Variants in NELL1 observed in about 807,000 individuals in gnomAD.
NELL1 encodes neural EGFL like 1.
In NELL1, 76 loss-of-function variants were observed where a neutral mutation model predicts 107.4. That is an observed-to-expected ratio of 0.71 (90% confidence interval 0.59 to 0.86). NELL1 has a LOEUF of 0.86. Ranked by LOEUF, NELL1 falls within the 40% of genes least tolerant of loss-of-function variation. NELL1 has a pLI of 0.00. For missense variants in NELL1, 1,024 were observed against 1,005.5 expected (o/e 1.02, Z -0.25); for synonymous variants, 353 against 341.2 (o/e 1.03, Z -0.38).
intron 15 of NELL1, among the ~76,000 whole-genome samples, chr11:21,460,803 A>AT (rs1853881747): frequency 6.6e-6 from 1 of 152,066 alleles, no homozygotes; most frequent in African/African-American, 2.4e-5. Context: ...ATTAGCTTGC[A>AT]TGTCAGTGAG....
intron 15 of NELL1, among the ~76,000 whole-genome samples, chr11:21,413,807 G>A (rs896694203): frequency 6.6e-6 from 1 of 152,056 alleles, no homozygotes; most frequent in East Asian, 1.9e-4. Flanking sequence ...TTCACCCCAT[G>A]ACCTGTCACA....
At chr11:20,699,507 C>T (rs906569333) in intron 2 of NELL1, among the ~76,000 whole-genome samples, 3 of 152,122 alleles carry the variant, frequency 2.0e-5, no homozygotes, top group African/African-American at 4.8e-5. Context: ...ACTACAGGTG[C>T]ACGCCACCAT....
At position 21,261,896 on chromosome 11, in the gene NELL1, CA is replaced by C. The variant is rs572674839; in HGVS notation, c.1549+32443del. 3.8e-3 allele frequency among the ~76,000 whole-genome samples: 570 copies of C among 151,952 alleles called. 1 individual carries two copies. The highest frequency in any genetic ancestry group is 6.0e-3 in the Non-Finnish European group (409 of 67,864). On this transcript the variant is annotated intron_variant, in intron 14 of 19. Transcript: ENST00000357134. ...AACAGATTCAATTGGTGTTTTCGTT[CA>C]GATCTTTAAATAGCACATTTCTTTG...
At chr11:21,134,820 C>G (rs1442382196) in intron 13 of NELL1, among the ~76,000 whole-genome samples, 1 of 152,160 alleles carries the variant, frequency 6.6e-6, no homozygotes, top group Non-Finnish European at 1.5e-5. Context: ...GGAGGTATGA[C>G]TGAATAGCAT....
At chr11:20,991,917 G>A (rs1851982059) in intron 12 of NELL1, among the ~76,000 whole-genome samples, 1 of 148,868 alleles carries the variant, frequency 6.7e-6, no homozygotes, top group African/African-American at 2.5e-5. Flanking sequence ...ACATTCCCAA[G>A]GTGACAGGTA....
At chr11:21,100,551 A>G (rs1315038741) in intron 12 of NELL1, among the ~76,000 whole-genome samples, 1 of 152,232 alleles carries the variant, frequency 6.6e-6, no homozygotes, top group Non-Finnish European at 1.5e-5. Context: ...CGGTTTCTCA[A>G]AAGCCTAAAC....
At chr11:21,243,227 G>A (rs1038708706) in intron 14 of NELL1, among the ~76,000 whole-genome samples, 1 of 152,056 alleles carries the variant, frequency 6.6e-6, no homozygotes, top group South Asian at 2.1e-4. Context: ...AATAATGAAC[G>A]AATCTAAGGT....
In NELL1 at chr11:21,285,542, G is replaced by T. The variant is rs536491946; in HGVS notation, c.1549+56088G>T. 3.4e-4 allele frequency among the ~76,000 whole-genome samples: 51 copies of T among 152,142 alleles called. No homozygotes were observed. The South Asian group carries it at 0.011, about 32-fold the overall frequency. ...CTATGGTCTTATTTATGACCTTTAC[G>T]TTAGGAATTTTCTCCAGTGTTCTGT... On this transcript the variant is annotated intron_variant, in intron 14 of 19. Transcript: ENST00000357134.
At chr11:21,127,581 AGAGGAAGAG>A (rs1371430440) in intron 13 of NELL1, among the ~76,000 whole-genome samples, 1 of 151,846 alleles carries the variant, frequency 6.6e-6, no homozygotes, top group Non-Finnish European at 1.5e-5. Flanking sequence ...GAGAAGAAGA[AGAGGAAGAG>A]GAGGAAGAGG....
At position 20,669,715 on chromosome 11, in the gene NELL1, T is replaced by G; in HGVS notation, c.-9T>G. 4 of 1,613,232 alleles carry G rather than the reference T, an allele frequency of 2.5e-6. No individual in the cohort carries two copies. The highest frequency in any genetic ancestry group is 3.4e-6 in the Non-Finnish European group (4 of 1,179,434). On this transcript the variant is annotated 5_prime_UTR_variant, in exon 1 of 20. Transcript: ENST00000357134. The surrounding 1 kb of genome is among the most constrained non-coding windows in gnomAD (Gnocchi z 4.4). The stretch of plus-strand genomic sequence containing the variant: ...GGTGCCCCCTGCTAGGCGGGGACCC[T>G]CGAGAGCGATGCCGATGGATTTGAT...
intron 3 of NELL1, among the ~76,000 whole-genome samples, chr11:20,811,367 G>A (rs1021889336): frequency 3.3e-5 from 5 of 152,124 alleles, no homozygotes; most frequent in African/African-American, 7.2e-5. Flanking sequence ...ATGTTTTGAA[G>A]TGAGGTAGTG....
intron 4 of NELL1, among the ~76,000 whole-genome samples, chr11:20,852,428 G>A (rs1031571981): frequency 4.1e-4 from 62 of 152,268 alleles, no homozygotes; most frequent in African/African-American, 1.4e-3. Flanking sequence ...AAATTTCAGA[G>A]TAATTTCAGG....
intron 16 of NELL1, among the ~76,000 whole-genome samples, chr11:21,557,285 A>G (rs1856738545): frequency 6.6e-6 from 1 of 152,030 alleles, no homozygotes; most frequent in Non-Finnish European, 1.5e-5. Context: ...GGAGAAGTGA[A>G]AGCAAATCCT....
At chr11:21,086,818 C>A (rs1854402004) in intron 12 of NELL1, among the ~76,000 whole-genome samples, 2 of 144,242 alleles carry the variant, frequency 1.4e-5, no homozygotes, top group African/African-American at 2.5e-5. Context: ...ACTGTTGAGT[C>A]TTAATGGATC....
At chr11:21,234,856 T>C (rs1273229375) in intron 14 of NELL1, among the ~76,000 whole-genome samples, 1 of 152,104 alleles carries the variant, frequency 6.6e-6, no homozygotes, top group African/African-American at 2.4e-5. Context: ...ATAAGTCAAA[T>C]AGACATCTCA....
chr11:20,681,178 ACT>A (rs1854182430), intron 2 of NELL1, among the ~76,000 whole-genome samples: 1 of 152,024 alleles, frequency 6.6e-6, no homozygotes, highest in Non-Finnish European at 1.5e-5. Flanking sequence ...TAGGCTGAGA[ACT>A]CTCTGAATTA....
At chr11:20,741,068 A>T (rs542378673) in intron 2 of NELL1, among the ~76,000 whole-genome samples, 2 of 151,584 alleles carry the variant, frequency 1.3e-5, no homozygotes, top group Admixed American at 6.6e-5. Context: ...CCTCTCCTTT[A>T]CTTCTTTCTG....
At chr11:21,359,067 G>A (rs947731864) in intron 14 of NELL1, among the ~76,000 whole-genome samples, 2 of 152,048 alleles carry the variant, frequency 1.3e-5, no homozygotes, top group East Asian at 3.9e-4. Context: ...TTCTCAAGGG[G>A]AATGCTTTCA....
chr11:21,210,773 A>T (rs1857481627), intron 13 of NELL1, among the ~76,000 whole-genome samples: 1 of 152,134 alleles, frequency 6.6e-6, no homozygotes, highest in South Asian at 2.1e-4. Context: ...TGATAAATAA[A>T]TGGGGATATC....
Sources: gnomAD v4.1 joint callset for allele counts (sites outside exome capture counted in the v4.1 genomes callset) on GRCh38, gnomAD v4.1.1 for gene constraint, Gnocchi (gnomAD v3.1) non-coding constraint, MANE v1.5 for transcripts, NCBI Gene and HGNC (gene_info 2026-07-23, HGNC 2026-07-21) for gene names.